The following AGT variants were observed in gnomAD, a reference collection of about 807,000 sequenced individuals.
AGT encodes alpha-1 antiproteinase, antitrypsin.
Under a neutral mutation model 28.1 loss-of-function variants are expected in AGT, and 26 were observed. The observed-to-expected ratio is 0.92, with a 90% CI of 0.68 to 1.28. The LOEUF is 1.28. Among genes scored for constraint, AGT ranks in the 50% most tolerant of loss-of-function variants. The pLI, the probability that AGT is intolerant of heterozygous loss-of-function variation, is 0.00. For missense variants in AGT, 596 were observed against 592.3 expected, an observed-to-expected ratio of 1.01 and a Z score of -0.06; for synonymous variants, 259 against 259.6, an observed-to-expected ratio of 1.00 and a Z score of 0.02.
intron 1 of AGT, among the ~76,000 whole-genome samples, chr1:230,744,532 G>C (rs751607913): frequency 1.2e-4 from 19 of 152,224 alleles, no homozygotes; most frequent in Non-Finnish European, 2.8e-4. Context: ...CAGAGTCCCA[G>C]AGTGTTAGGG....
At chr1:230,725,134 A>G (rs933114397) in intron 1 of AGT, among the ~76,000 whole-genome samples, 9 of 152,250 alleles carry the variant, frequency 5.9e-5, no homozygotes, top group African/African-American at 2.2e-4. Flanking sequence ...TGATTTAACT[A>G]CACTACATAA....
rs3789677 is a variant in AGT, at chr1:230,708,634, G to A, written c.829+1361C>T. 1.7e-3 allele frequency among the ~76,000 whole-genome samples: 257 copies of A among 152,170 alleles called. 6 individuals are homozygous for A. In the East Asian group the frequency reaches 0.042, roughly 25 times the overall value. On this transcript the variant is annotated intron_variant, in intron 2 of 4. Coordinates refer to ENST00000366667, the MANE Select transcript of AGT (RefSeq NM_001384479.1). Reference sequence around the variant, plus strand: ...AGTCTTGTCTTTCACCTCCCGCCTGGCTCTCTGTCCCTCACGAGGTTAACA... The same window carrying A: ...AGTCTTGTCTTTCACCTCCCGCCTGACTCTCTGTCCCTCACGAGGTTAACA...
At chr1:230,745,507 T>C (rs1664335575) in intron 1 of AGT, among the ~76,000 whole-genome samples, 1 of 152,194 alleles carries the variant, frequency 6.6e-6, no homozygotes, top group African/African-American at 2.4e-5. Flanking sequence ...CAGAAATGTG[T>C]TGCTCACAGT....
At chr1:230,739,914 C>T (rs1664216467) in intron 1 of AGT, among the ~76,000 whole-genome samples, 1 of 152,186 alleles carries the variant, frequency 6.6e-6, no homozygotes, top group South Asian at 2.1e-4. Context: ...GAATTCAGGA[C>T]GAGTCTATAG....
chr1:230,730,175 C>G (rs577666390), intron 1 of AGT, among the ~76,000 whole-genome samples: 1 of 151,940 alleles, frequency 6.6e-6, no homozygotes, highest in African/African-American at 2.4e-5. Context: ...CCTGCCTCAG[C>G]CTCCCACAGT....
chr1:230,727,414 A>G (rs1326888), intron 1 of AGT, among the ~76,000 whole-genome samples: 70,032 of 152,062 alleles, frequency 0.46, 19,149 homozygotes, highest in East Asian at 0.73. Context: ...GTCCATGATC[A>G]TAACCAAAAA....
chr1:230,714,597 C>A (rs1663688769), upstream of AGT, among the ~76,000 whole-genome samples: 1 of 152,172 alleles, frequency 6.6e-6, no homozygotes, highest in African/African-American at 2.4e-5. Context: ...GGATGTGTGA[C>A]CTTCAGCTGC....
Position 230,702,841 on chromosome 1 carries a change from A to G in AGT, c.*300T>C. 2.8e-6 allele frequency: 1 copy of G among 359,754 alleles called. No homozygotes were observed. The highest frequency in any genetic ancestry group is 5.1e-6 in the Non-Finnish European group (1 of 196,854). The allele number at this position is 359,754 out of a possible 1,614,324, so 22.3% of individuals were successfully genotyped here. The stretch of plus-strand genomic sequence containing the variant: ...GCTGGTCGGTTGGAATTCTTTTTGG[A>G]ACAGTAGTCCCGCGCTAAACACTGG... On this transcript the variant is annotated 3_prime_UTR_variant, in exon 5 of 5. Transcript: ENST00000366667.
Position 230,706,025 on chromosome 1 carries a change from C to G in AGT, c.1005G>C (p.Leu335=). Reference sequence around the variant, plus strand: ...GGTCAGAGGCATAGTGAGGCTGGATCAGCAGCAGGCAGGCGCTCTCAGTGA... The same window carrying G: ...GGTCAGAGGCATAGTGAGGCTGGATGAGCAGCAGGCAGGCGCTCTCAGTGA... The part of the protein sequence containing the change: ...VPFTESACLL[L]IQPHYASDLD... The change falls in exon 3 of 5, where the codon CTG becomes CTC. Residue 335 remains leucine, a synonymous_variant. Coordinates refer to ENST00000366667, the MANE Select transcript of AGT (RefSeq NM_001384479.1). 6.2e-7 allele frequency: 1 copy of G among 1,614,190 alleles called. No individual in the cohort carries two copies. Among genetic ancestry groups the G allele is most frequent in the Non-Finnish European group, 8.5e-7 (1 of 1,180,038 alleles).
chr1:230,706,222 G>A, intron 2 of AGT, 22 bp from the exon 3 acceptor site: 7 of 1,611,328 alleles, frequency 4.3e-6, no homozygotes, highest in Non-Finnish European at 5.9e-6. Flanking sequence ...ACAGGAGACA[G>A]GGAGGGAAGA....
intron 1 of AGT, among the ~76,000 whole-genome samples, chr1:230,712,241 C>A (rs1169305966): frequency 6.6e-6 from 1 of 152,198 alleles, no homozygotes; most frequent in Non-Finnish European, 1.5e-5. Context: ...TCTGCTTCAT[C>A]TAAGCATACC....
rs550406136 is a variant in AGT, at chr1:230,706,067, C to T, written c.963G>A (p.Ser321=). The change falls in exon 3 of 5, where the codon TCG becomes TCA. Residue 321 remains serine, a synonymous_variant. Transcript: ENST00000366667. ...TCTCAGTGAAGGGCACTTGAGTCACCGAGAAGTTGTCCTGGATGTCACTCC... is the reference window on the plus strand; with the variant it reads ...TCTCAGTGAAGGGCACTTGAGTCACTGAGAAGTTGTCCTGGATGTCACTCC... ...QHWSDIQDNF[S]VTQVPFTESA... The T allele has an allele frequency of 1.3e-5, 21 of 1,614,136 alleles. No individual in the cohort carries two copies. Among genetic ancestry groups the T allele is most frequent in the South Asian group, 4.4e-5 (4 of 91,058 alleles).
At chr1:230,713,035 C>T (rs1663641028) in intron 1 of AGT, among the ~76,000 whole-genome samples, 1 of 152,202 alleles carries the variant, frequency 6.6e-6, no homozygotes, top group African/African-American at 2.4e-5. Flanking sequence ...ATAGTCCTCA[C>T]CTTCCCTGAG....
At chr1:230,714,464 C>T (rs1204245121), upstream of AGT, among the ~76,000 whole-genome samples, 1 of 152,144 alleles carries the variant, frequency 6.6e-6, no homozygotes, top group East Asian at 1.9e-4. Flanking sequence ...TGACCCAGCC[C>T]CGGGAGATGT....
At chr1:230,745,485 G>C (rs1476164948) in intron 1 of AGT, among the ~76,000 whole-genome samples, 1 of 152,186 alleles carries the variant, frequency 6.6e-6, no homozygotes, top group African/African-American at 2.4e-5. Context: ...AGACAGGGTG[G>C]CTTATAAACA....
chr1:230,745,282 TC>T (rs1664329603), intron 1 of AGT, among the ~76,000 whole-genome samples: 1 of 152,054 alleles, frequency 6.6e-6, no homozygotes, highest in Non-Finnish European at 1.5e-5. Flanking sequence ...CAGCTCCTGA[TC>T]CCCTCCATGT....
intron 2 of AGT, among the ~76,000 whole-genome samples, chr1:230,707,103 G>C (rs190149599): frequency 6.6e-6 from 1 of 152,346 alleles, no homozygotes; most frequent in East Asian, 1.9e-4. Flanking sequence ...GGGCAGGGGT[G>C]AGCCCTCTGT....
intron 2 of AGT, among the ~76,000 whole-genome samples, chr1:230,708,827 C>A (rs896975518): frequency 6.6e-6 from 1 of 152,196 alleles, no homozygotes; most frequent in African/African-American, 2.4e-5. Context: ...GGCAGGCTTC[C>A]GGGATGACCT....
chr1:230,715,734 T>C (rs1486184679), upstream of AGT, among the ~76,000 whole-genome samples: 1 of 152,170 alleles, frequency 6.6e-6, no homozygotes, highest in East Asian at 1.9e-4. Flanking sequence ...GCAACAACCT[T>C]GTGCCCAGTG....
Sources: allele counts gnomAD v4.1 joint callset (sites outside exome capture counted in the v4.1 genomes callset), GRCh38; gene constraint gnomAD v4.1.1; transcripts MANE v1.5; gene names NCBI Gene and HGNC (gene_info 2026-07-23, HGNC 2026-07-21).